Variants in SUCLG2 observed in about 807,000 individuals in gnomAD.
SUCLG2 encodes succinate-CoA ligase GDP-forming subunit beta.
Under a neutral mutation model 47.9 loss-of-function variants are expected in SUCLG2, and 42 were observed. The observed-to-expected ratio is 0.88, with a 90% CI of 0.69 to 1.14. The LOEUF (loss-of-function observed/expected upper bound fraction) is 1.14. SUCLG2 is among the 50% of genes most tolerant of loss of function. The pLI is 0.00. For missense variants in SUCLG2, 571 were observed against 525.9 expected (o/e 1.09, Z -0.84); for synonymous variants, 195 against 197.3 (o/e 0.99, Z 0.10).
intron 9 of SUCLG2, among the ~76,000 whole-genome samples, chr3:67,436,011 AT>A (rs1703610632): frequency 6.6e-6 from 1 of 152,210 alleles, no homozygotes; most frequent in South Asian, 2.1e-4. Flanking sequence ...ATAGCAGTAA[AT>A]TTGGTACTTG....
chr3:67,597,966 A>G (rs1004882516), intron 2 of SUCLG2, among the ~76,000 whole-genome samples: 1 of 151,856 alleles, frequency 6.6e-6, no homozygotes, highest in African/African-American at 2.4e-5. Context: ...CAACAACAAC[A>G]AAAAACTCTC....
chr3:67,514,300 C>A, intron 6 of SUCLG2: 2 of 419,690 alleles, frequency 4.8e-6, no homozygotes, highest in South Asian at 4.2e-5. Flanking sequence ...AAAATTGGAT[C>A]AAACATTTAA....
intron 9 of SUCLG2, among the ~76,000 whole-genome samples, chr3:67,428,851 G>A (rs1168109435): frequency 6.6e-6 from 1 of 152,176 alleles, no homozygotes; most frequent in Non-Finnish European, 1.5e-5. Context: ...AAGGATATTA[G>A]TGATTGAAGA....
chr3:67,404,240 C>A (rs1427950434), intron 9 of SUCLG2, among the ~76,000 whole-genome samples: 2 of 151,774 alleles, frequency 1.3e-5, no homozygotes, highest in Non-Finnish European at 2.9e-5. Flanking sequence ...CCCTGAAACG[C>A]CGAAGAGAAG....
intron 10 of SUCLG2, among the ~76,000 whole-genome samples, chr3:67,381,574 C>T (rs1479943224): frequency 6.6e-6 from 1 of 152,158 alleles, no homozygotes; most frequent in African/African-American, 2.4e-5. Context: ...TTATTAAATG[C>T]TACATTGCTT....
intron 1 of SUCLG2, among the ~76,000 whole-genome samples, chr3:67,612,709 G>A (rs1361141115): frequency 2.0e-5 from 3 of 152,116 alleles, no homozygotes; most frequent in East Asian, 3.9e-4. Context: ...GAAGTTAGGC[G>A]ATGCCGTATC....
At chr3:67,580,882 TA>T in intron 2 of SUCLG2, among the ~76,000 whole-genome samples, 1 of 152,194 alleles carries the variant, frequency 6.6e-6, no homozygotes, top group East Asian at 1.9e-4. Flanking sequence ...GGAAATTGTT[TA>T]GAGCTGTTTA....
intron 10 of SUCLG2, among the ~76,000 whole-genome samples, chr3:67,363,889 A>G (rs1701841467): frequency 6.6e-6 from 1 of 151,652 alleles, no homozygotes; most frequent in Admixed American, 6.6e-5. Context: ...AGAAAATCAG[A>G]TCTCCTAGGG....
At chr3:67,622,201 G>A (rs1465338682) in intron 1 of SUCLG2, among the ~76,000 whole-genome samples, 2 of 152,184 alleles carry the variant, frequency 1.3e-5, no homozygotes, top group South Asian at 2.1e-4. Context: ...ACCAGCTCTT[G>A]AAATATGTCA....
rs1186453407 is a variant in SUCLG2 at position 67,518,323 on chromosome 3, A to AT, written c.583dup (p.Ile195AsnfsTer3). On this transcript the variant is annotated frameshift_variant, in exon 6 of 11. Coordinates refer to ENST00000307227, the MANE Select transcript of SUCLG2 (RefSeq NM_003848.4). LOFTEE classifies it high-confidence loss of function. ...TTGGCTGTCCTTTATTCCTTCAAAA[A>AT]TGTCAATTTGCTCCTAGTAAAAATA... is the stretch of plus-strand genomic sequence containing the variant. 6.2e-7 allele frequency: 1 copy of AT among 1,610,808 alleles called. No homozygotes were observed.
At chr3:67,384,289 G>A (rs764731357) in intron 10 of SUCLG2, among the ~76,000 whole-genome samples, 9 of 152,288 alleles carry the variant, frequency 5.9e-5, no homozygotes, top group Non-Finnish European at 8.8e-5. Context: ...TAGAGATAAC[G>A]TGAGGATTTT....
At chr3:67,498,013 T>C (rs1705393763) in intron 8 of SUCLG2, 121 bp downstream of exon 8, 2 of 1,070,948 alleles carry the variant, frequency 1.9e-6, no homozygotes, top group Non-Finnish European at 2.7e-6. Context: ...TTCCTAAGAC[T>C]TTTCAGCTAC....
chr3:67,440,394 A>G (rs1000543308), intron 9 of SUCLG2, among the ~76,000 whole-genome samples: 55 of 152,382 alleles, frequency 3.6e-4, no homozygotes, highest in African/African-American at 1.2e-3. Context: ...ATCTAATCAA[A>G]CTAAAGAGCT....
intron 10 of SUCLG2, among the ~76,000 whole-genome samples, chr3:67,389,421 C>G (rs1476078507): frequency 6.6e-6 from 1 of 152,038 alleles, no homozygotes; most frequent in East Asian, 1.9e-4. Flanking sequence ...TTTAAAGGCC[C>G]TTCATAAACC....
intron 9 of SUCLG2, 87 bp from the exon 10 acceptor site, chr3:67,400,938 AAT>A: frequency 6.4e-7 from 1 of 1,560,876 alleles, no homozygotes; most frequent in Non-Finnish European, 8.6e-7. Flanking sequence ...AGACAATTAA[AAT>A]AAGACTGCTC....
At chr3:67,607,524 C>T (rs776223964) in intron 2 of SUCLG2, among the ~76,000 whole-genome samples, 1 of 152,030 alleles carries the variant, frequency 6.6e-6, no homozygotes, top group Non-Finnish European at 1.5e-5. Context: ...TCCAGACCGA[C>T]ACCTACAAAG....
chr3:67,619,414 C>G (rs746250158), intron 1 of SUCLG2, among the ~76,000 whole-genome samples: 1 of 152,156 alleles, frequency 6.6e-6, no homozygotes, highest in Non-Finnish European at 1.5e-5. Context: ...GACTGAGGAG[C>G]CTGTGCCCTT....
In SUCLG2 at chr3:67,394,033, A is replaced by G. The variant is rs550238567; in HGVS notation, c.1183+6698T>C. ...AAAAACCCATCTGTACATCACCATC[A>G]TCAAAGACAAAAAGTAGATAAAACC... On this transcript the variant is annotated intron_variant, in intron 10 of 10. Transcript: ENST00000307227. Among the ~76,000 whole-genome samples the G allele has an allele frequency of 6.8e-3, 1,038 of 152,270 alleles. 14 individuals carry two copies. Among genetic ancestry groups the G allele is most frequent in the African/African-American group, 0.024 (988 of 41,544 alleles).
At chr3:67,404,667 C>T (rs1372406493) in intron 9 of SUCLG2, among the ~76,000 whole-genome samples, 1 of 152,084 alleles carries the variant, frequency 6.6e-6, no homozygotes, top group Non-Finnish European at 1.5e-5. Flanking sequence ...CGCCTTCTCT[C>T]CCACTGTAAA....
Sources: allele counts gnomAD v4.1 joint callset (sites outside exome capture counted in the v4.1 genomes callset), GRCh38; gene constraint gnomAD v4.1.1; transcripts MANE v1.5; gene names NCBI Gene and HGNC (gene_info 2026-07-23, HGNC 2026-07-21).